Variants in UPK1B observed in about 807,000 individuals in gnomAD.
The protein encoded by UPK1B is uroplakin-1b.
Under a neutral mutation model 34.2 loss-of-function variants are expected in UPK1B, and 28 were observed. The observed-to-expected ratio is 0.82, with a 90% confidence interval of 0.61 to 1.12. The LOEUF is 1.12. Among genes scored for constraint, UPK1B ranks in the 50% most tolerant of loss-of-function variants. The probability of loss-of-function intolerance (pLI) is 0.00; values close to 1 mark genes in which losing one functional copy is unlikely to be tolerated. For synonymous variants in UPK1B, 81 were observed against 110.4 expected, an observed-to-expected ratio of 0.73 and a Z score of 1.67; for missense variants, 325 against 320.9, an observed-to-expected ratio of 1.01 and a Z score of -0.10.
intron 7 of UPK1B, among the ~76,000 whole-genome samples, chr3:119,200,264 G>A (rs1419599021): frequency 6.6e-6 from 1 of 152,150 alleles, no homozygotes; most frequent in Admixed American, 6.5e-5. Context: ...TGTTGCCTAG[G>A]TTGGTCTTGA....
At chr3:119,174,393 T>A (rs561216322) in intron 1 of UPK1B, among the ~76,000 whole-genome samples, 2 of 152,358 alleles carry the variant, frequency 1.3e-5, no homozygotes, top group East Asian at 3.9e-4. Flanking sequence ...GCTAGTATTA[T>A]TTTATGTTTG....
At chr3:119,193,069 T>A (rs568903962) in intron 5 of UPK1B, among the ~76,000 whole-genome samples, 2 of 152,296 alleles carry the variant, frequency 1.3e-5, no homozygotes, top group Non-Finnish European at 2.9e-5. Context: ...AATAGCCAAG[T>A]CTCTGTCCTC....
At chr3:119,185,940 C>T (rs912613264) in intron 1 of UPK1B, among the ~76,000 whole-genome samples, 3 of 152,290 alleles carry the variant, frequency 2.0e-5, no homozygotes, top group South Asian at 2.1e-4. Context: ...TGGGGAAGCA[C>T]GTGGACTCTG....
At chr3:119,192,157 C>A (rs1466275237) in intron 5 of UPK1B, among the ~76,000 whole-genome samples, 2 of 152,182 alleles carry the variant, frequency 1.3e-5, no homozygotes, top group East Asian at 3.8e-4. Context: ...TAATTTCTAT[C>A]ATTTCTTTCA....
intron 6 of UPK1B, among the ~76,000 whole-genome samples, chr3:119,197,945 GT>G (rs889262496): frequency 2.6e-5 from 4 of 152,214 alleles, no homozygotes; most frequent in African/African-American, 9.6e-5. Flanking sequence ...CAAGAAAGGA[GT>G]TGTGAGTGCA....
Position 119,193,651 on chromosome 3 carries a change from G to A in UPK1B, c.469-568G>A, listed in dbSNP as rs193280127. 2.6e-4 allele frequency among the ~76,000 whole-genome samples: 39 copies of A among 152,048 alleles called. No homozygotes were observed. The East Asian group carries it at 6.6e-3, about 26-fold the overall frequency. ...AAAAAATGTTTAAATGTATAGAAAA[G>A]CAAAACAAGAACAATTACTCATAAC... On this transcript the variant is annotated intron_variant, in intron 5 of 7. Transcript: ENST00000264234.
At chr3:119,175,012 CTTTTTTTTTTTTTTTTT>C (rs374721069) in intron 1 of UPK1B, among the ~76,000 whole-genome samples, 6 of 67,452 alleles carry the variant, frequency 8.9e-5, no homozygotes, top group Admixed American at 2.2e-4. Flanking sequence ...CTTTTATTTT[CTTTTTTTTTTTTTTTTT>C]TTTTTTTTTT....
chr3:119,178,504 T>C (rs1463187993), intron 1 of UPK1B, among the ~76,000 whole-genome samples: 3 of 152,188 alleles, frequency 2.0e-5, no homozygotes, highest in Non-Finnish European at 4.4e-5. Flanking sequence ...GATCTCAAGA[T>C]TGGCTAAGTG....
At chr3:119,194,430 G>A in intron 6 of UPK1B, 32 bp downstream of exon 6, 1 of 1,578,076 alleles carries the variant, frequency 6.3e-7, no homozygotes, top group Middle Eastern at 1.7e-4. Context: ...GACTTCCCAG[G>A]AGGTTCTGCT....
At chr3:119,187,260 G>A (rs1371250564) in intron 2 of UPK1B, among the ~76,000 whole-genome samples, 2 of 151,746 alleles carry the variant, frequency 1.3e-5, no homozygotes, top group Non-Finnish European at 2.9e-5. Context: ...TGGCATAGAA[G>A]AACATTTGTT....
intron 1 of UPK1B, among the ~76,000 whole-genome samples, chr3:119,177,499 G>C (rs2077962421): frequency 6.6e-6 from 1 of 152,166 alleles, no homozygotes; most frequent in Non-Finnish European, 1.5e-5. Context: ...CCTGTACAAA[G>C]CCTCCAAGTT....
rs142269661 is a variant in UPK1B at position 119,194,233 on chromosome 3, C to T, written c.483C>T (p.Gly161=). The change falls in exon 6 of 8, where the codon GGC becomes GGT. Residue 161 remains glycine, a synonymous_variant. Coordinates refer to ENST00000264234, the MANE Select transcript of UPK1B (RefSeq NM_006952.4). ...DRLMLQDNCC[G]VNGPSDWQKY... ...TCTGCTGACAGGACAATTGCTGTGGCGTAAATGGTCCATCAGACTGGCAAA... is the reference window on the plus strand; with the variant it reads ...TCTGCTGACAGGACAATTGCTGTGGTGTAAATGGTCCATCAGACTGGCAAA... 2.3e-5 allele frequency: 37 copies of T among 1,613,782 alleles called. No individual in the cohort carries two copies. The Middle Eastern group carries it at 5.0e-4, about 22-fold the overall frequency.
At chr3:119,186,101 G>C (rs1166232146) in intron 1 of UPK1B, among the ~76,000 whole-genome samples, 1 of 152,224 alleles carries the variant, frequency 6.6e-6, no homozygotes, top group Admixed American at 6.5e-5. Flanking sequence ...ACTGGGTTAT[G>C]AGAATTAGAT....
At chr3:119,198,030 A>C (rs2078074257) in intron 6 of UPK1B, among the ~76,000 whole-genome samples, 1 of 152,202 alleles carries the variant, frequency 6.6e-6, no homozygotes, top group Non-Finnish European at 1.5e-5. Flanking sequence ...AGTCAGAATG[A>C]GTGAAGGATG....
At chr3:119,179,496 G>T (rs2077978053) in intron 1 of UPK1B, among the ~76,000 whole-genome samples, 2 of 104,406 alleles carry the variant, frequency 1.9e-5, no homozygotes, top group Non-Finnish European at 4.0e-5. Context: ...GGGAAGAGTT[G>T]ATGTTGCAGT....
At position 119,194,397 on chromosome 3, in the gene UPK1B, A is replaced by G. The variant is rs201540397; in HGVS notation, c.647A>G (p.Gln216Arg). Residue 216 changes from glutamine to arginine, a missense_variant and splice_region_variant, in exon 6 of 8, where the codon CAG (glutamine) becomes CGG (arginine). By Grantham distance (43) the Gln-to-Arg change is conservative (BLOSUM62 1). Transcript: ENST00000264234. ...KLGVPGFYHN[Q>R]GCYELISGPM... Reference sequence around the variant, plus strand: ...GGCGTGCCTGGTTTTTATCACAATCAGGTGAGTCCTCTCTCCTCCCAAGAC... The same window carrying G: ...GGCGTGCCTGGTTTTTATCACAATCGGGTGAGTCCTCTCTCCTCCCAAGAC... The G allele has an allele frequency of 1.1e-5, 17 of 1,605,520 alleles. No individual in the cohort carries two copies. The Admixed American group carries it at 2.7e-4, about 26-fold the overall frequency.
intron 1 of UPK1B, among the ~76,000 whole-genome samples, chr3:119,178,270 A>G (rs1181160573): frequency 6.6e-6 from 1 of 152,234 alleles, no homozygotes; most frequent in Non-Finnish European, 1.5e-5. Context: ...GGTCTTTCAG[A>G]AGGGAACAGG....
intron 6 of UPK1B, among the ~76,000 whole-genome samples, chr3:119,198,670 CAA>C (rs1559904310): frequency 6.6e-6 from 1 of 152,106 alleles, no homozygotes. Flanking sequence ...CAAAAACAAA[CAA>C]ATCAAAAAGT....
At chr3:119,177,122 G>C (rs1310530718) in intron 1 of UPK1B, among the ~76,000 whole-genome samples, 1 of 152,194 alleles carries the variant, frequency 6.6e-6, no homozygotes, top group South Asian at 2.1e-4. Context: ...TTTTAATCAG[G>C]AATGAAGGAG....
Sources: gnomAD v4.1 joint callset for allele counts (sites outside exome capture counted in the v4.1 genomes callset) on GRCh38, gnomAD v4.1.1 for gene constraint, MANE v1.5 for transcripts, NCBI Gene and HGNC (gene_info 2026-07-23, HGNC 2026-07-21) for gene names.